The following COL19A1 variants were observed in gnomAD, a reference collection of about 807,000 sequenced individuals.
COL19A1 encodes collagen type XIX alpha 1 chain, also known as collagen alpha-1(XIX) chain.
Under a neutral mutation model 190.2 loss-of-function variants are expected in COL19A1, and 159 were observed. The ratio of observed to expected loss-of-function variants is 0.84; its 90% confidence interval spans 0.73 to 0.95. The LOEUF is 0.95. Among genes scored for constraint, COL19A1 ranks in the 40% least tolerant of loss-of-function variants. The pLI is 0.00. For synonymous variants in COL19A1, 509 were observed against 458.9 expected, an observed-to-expected ratio of 1.11 and a Z score of -1.39; for missense variants, 1,418 against 1,431.9, an observed-to-expected ratio of 0.99 and a Z score of 0.16.
In COL19A1 at chr6:70,042,339, A is replaced by AT. The variant is rs543477365; in HGVS notation, c.1170+6408dup. Among the ~76,000 whole-genome samples the AT allele has an allele frequency of 1.8e-3, 275 of 151,998 alleles. 2 individuals are homozygous for AT. Among genetic ancestry groups the AT allele is most frequent in the African/African-American group, 6.3e-3 (261 of 41,450 alleles). ...ACCACTGCAATAAAGCAAGTCACCA[A>AT]TTTTTTTTGCTTTTCCAATGTATAT... is the stretch of plus-strand genomic sequence containing the variant. On this transcript the variant is annotated intron_variant, in intron 14 of 50. Coordinates refer to ENST00000620364, the MANE Select transcript of COL19A1 (RefSeq NM_001858.6).
chr6:70,000,083 T>G (rs1777167525), intron 11 of COL19A1, among the ~76,000 whole-genome samples: 1 of 152,104 alleles, frequency 6.6e-6, no homozygotes, highest in African/African-American at 2.4e-5. Flanking sequence ...TTGTTCTCAT[T>G]GCTCAACTCC....
chr6:69,888,595 C>G lies in COL19A1; in HGVS notation c.91+8937C>G, dbSNP rs1043459620. Among the ~76,000 whole-genome samples the G allele has an allele frequency of 5.9e-5, 9 of 151,854 alleles. No individual in the cohort carries two copies. In the East Asian group the frequency reaches 1.7e-3, roughly 29 times the overall value. The stretch of plus-strand genomic sequence containing the variant: ...TGCCTGAGGGTCAGGAGTTGGAGAC[C>G]AGTCTGGCCAACATGGTGAAACCCA... On this transcript the variant is annotated intron_variant, in intron 2 of 50. Transcript: ENST00000620364.
intron 11 of COL19A1, among the ~76,000 whole-genome samples, chr6:69,966,507 C>G (rs1304854277): frequency 6.6e-6 from 1 of 152,158 alleles, no homozygotes; most frequent in African/African-American, 2.4e-5. Flanking sequence ...GCTGTGTCCA[C>G]TAAGGGTTAA....
rs371593641 is a variant in COL19A1, at chr6:69,902,994, A to G, written c.266+2656A>G. ...GCTGGAGAAGGTCATCCTTCCTGTC[A>G]TAGATCTGGCCACATGGCCTGGCCC... On this transcript the variant is annotated intron_variant, in intron 4 of 50. Coordinates refer to ENST00000620364, the MANE Select transcript of COL19A1 (RefSeq NM_001858.6). Among the ~76,000 whole-genome samples, 14 of 152,280 alleles carry G rather than the reference A, an allele frequency of 9.2e-5. No homozygotes were observed. The East Asian group carries it at 2.5e-3, about 27-fold the overall frequency.
Position 70,102,221 on chromosome 6 carries a change from C to T in COL19A1, c.1277C>T (p.Pro426Leu). 6.2e-7 allele frequency: 1 copy of T among 1,609,346 alleles called. No homozygotes were observed. Among genetic ancestry groups the T allele is most frequent in the Non-Finnish European group, 8.5e-7 (1 of 1,175,738 alleles). Residue 426 changes from proline (P) to leucine (L), a missense_variant and splice_region_variant, in exon 16 of 51, where the codon CCT becomes CTT. Physicochemically the swap from Pro to Leu is moderately conservative, Grantham distance 98. Coordinates refer to ENST00000620364, the MANE Select transcript of COL19A1 (RefSeq NM_001858.6). ...GGAAAACCAGGACCCCCAGGACCAC[C>T]TGTGAGTAAACAATACAATGACTGT... Reference protein sequence around the residue: ...PPGKPGPPGPPGPPGIQGIHQ... With the variant: ...PPGKPGPPGPLGPPGIQGIHQ...
chr6:70,206,187 C>G (rs1008521031), intron 49 of COL19A1, among the ~76,000 whole-genome samples: 2 of 152,190 alleles, frequency 1.3e-5, no homozygotes, highest in Admixed American at 6.5e-5. Flanking sequence ...TTAAGCAAGA[C>G]TCTTTCCATA....
chr6:70,017,421 T>C (rs1489190266), intron 11 of COL19A1, among the ~76,000 whole-genome samples: 1 of 152,130 alleles, frequency 6.6e-6, no homozygotes, highest in South Asian at 2.1e-4. Context: ...TGCAGACCTA[T>C]ATAAATTTAC....
intron 9 of COL19A1, among the ~76,000 whole-genome samples, chr6:69,943,193 C>T (rs1021197473): frequency 2.0e-5 from 3 of 152,030 alleles, no homozygotes; most frequent in African/African-American, 7.2e-5. Flanking sequence ...TGTATGTCTT[C>T]TTTTGAGAAG....
chr6:70,075,287 A>G (rs558107692), intron 15 of COL19A1, among the ~76,000 whole-genome samples: 1 of 152,334 alleles, frequency 6.6e-6, no homozygotes, highest in African/African-American at 2.4e-5. Flanking sequence ...ACCAAATATG[A>G]AACTCGGTGG....
rs144397897 is a variant in COL19A1, at chr6:70,066,368, A to G, written c.1171-2055A>G. ...ACAAGGACAAAAAAACAAACACCAC[A>G]TGTTCTCACTCATAGGTGGGAATTG... On this transcript the variant is annotated intron_variant, in intron 14 of 50. Transcript: ENST00000620364. 3.3e-5 allele frequency among the ~76,000 whole-genome samples: 5 copies of G among 151,342 alleles called. No individual in the cohort carries two copies. The East Asian group carries it at 9.9e-4, about 30-fold the overall frequency.
chr6:69,913,621 A>G (rs1379196922), intron 4 of COL19A1, among the ~76,000 whole-genome samples: 3 of 152,202 alleles, frequency 2.0e-5, no homozygotes, highest in Non-Finnish European at 4.4e-5. Context: ...AATTTGAGGA[A>G]TAGTGAGAAA....
At position 70,185,035 on chromosome 6, in the gene COL19A1, T is replaced by G. The variant is rs796590915; in HGVS notation, c.2856+120T>G. On this transcript the variant is annotated intron_variant, in intron 46 of 50. Coordinates refer to ENST00000620364, the MANE Select transcript of COL19A1 (RefSeq NM_001858.6). The stretch of plus-strand genomic sequence containing the variant: ...ATCACCAAATCTATAAAGGCTAGGG[T>G]GTAGGCGATCAAAGATCTCTACCAG... 3.8e-5 allele frequency: 33 copies of G among 878,446 alleles called. No individual in the cohort carries two copies. The African/African-American group carries it at 5.1e-4, about 14-fold the overall frequency. 54.4% of individuals were successfully genotyped at this position (878,446 alleles called of 1,614,324 possible).
intron 11 of COL19A1, among the ~76,000 whole-genome samples, chr6:70,010,649 G>A (rs1299346374): frequency 7.2e-6 from 1 of 138,930 alleles, no homozygotes; most frequent in African/African-American, 3.0e-5. Context: ...GCGCTTTTCA[G>A]ACCGGCTTAA....
rs1428843214 is a variant in COL19A1 at position 69,921,420 on chromosome 6, T to TATATATC, written c.267-6482_267-6476dup. On this transcript the variant is annotated intron_variant, in intron 4 of 50. Transcript: ENST00000620364. The stretch of plus-strand genomic sequence containing the variant: ...CATATATCATATATATCATATATCA[T>TATATATC]ATATATCATATATATCATATATATC... Among the ~76,000 whole-genome samples, 1,114 of 114,546 alleles carry TATATATC rather than the reference T, an allele frequency of 9.7e-3. 21 individuals are homozygous for TATATATC. Among genetic ancestry groups the TATATATC allele is most frequent in the South Asian group, 0.029 (108 of 3,694 alleles). 75.1% of individuals were successfully genotyped at this position (114,546 alleles called of 152,430 possible). A position where few individuals can be genotyped will look rare whatever the true frequency, so the allele number is the denominator to read the frequency against.
At chr6:69,870,351 G>A (rs969352341) in intron 1 of COL19A1, among the ~76,000 whole-genome samples, 4 of 152,218 alleles carry the variant, frequency 2.6e-5, no homozygotes, top group Non-Finnish European at 5.9e-5. Context: ...AGAAGCATAA[G>A]TGGGTATTGA....
At chr6:70,184,556 A>G in intron 44 of COL19A1, 147 bp from the exon 45 acceptor site, 1 of 661,882 alleles carries the variant, frequency 1.5e-6, no homozygotes, top group South Asian at 2.1e-5. Flanking sequence ...GTCAGATTCT[A>G]TTTATTTGTT....
At chr6:69,911,586 T>C (rs911343240) in intron 4 of COL19A1, among the ~76,000 whole-genome samples, 7 of 152,268 alleles carry the variant, frequency 4.6e-5, no homozygotes, top group African/African-American at 1.7e-4. Context: ...AATTTGAGAC[T>C]GAGTTGACCA....
intron 15 of COL19A1, among the ~76,000 whole-genome samples, chr6:70,072,998 T>TATTTATTTATTA (rs1369262371): frequency 7.0e-6 from 1 of 142,072 alleles, no homozygotes; most frequent in South Asian, 2.2e-4. Flanking sequence ...TTTATTTATT[T>TATTTATTTATTA]ATTATTGAGA....
chr6:70,064,893 C>T (rs1781082750), intron 14 of COL19A1, among the ~76,000 whole-genome samples: 1 of 152,140 alleles, frequency 6.6e-6, no homozygotes, highest in African/African-American at 2.4e-5. Context: ...AGGAATCCAA[C>T]TTACAAGGGA....
Sources: gnomAD v4.1 joint callset for allele counts (sites outside exome capture counted in the v4.1 genomes callset) on GRCh38, gnomAD v4.1.1 for gene constraint, MANE v1.5 for transcripts, NCBI Gene and HGNC (gene_info 2026-07-23, HGNC 2026-07-21) for gene names.